SH2D1B: variants seen among roughly 807,000 people sequenced by gnomAD.
SH2D1B encodes SH2 domain containing 1B.
SH2D1B carries 11 observed loss-of-function variants against 16.3 expected under a neutral mutation model. The ratio of observed to expected loss-of-function variants is 0.67; its 90% CI spans 0.42 to 1.11. SH2D1B has a LOEUF of 1.11. Among genes scored for constraint, SH2D1B ranks in the 50% most tolerant of loss-of-function variants. The pLI, the probability that SH2D1B is intolerant of heterozygous loss-of-function variation, is 0.00. For synonymous variants in SH2D1B, 55 were observed against 56.1 expected (o/e 0.98, Z 0.09); for missense variants, 123 against 153.1 (o/e 0.80, Z 1.04).
intron 1 of SH2D1B, among the ~76,000 whole-genome samples, chr1:162,409,107 TA>T (rs67639233): frequency 0.84 from 118,547 of 141,490 alleles, 49,686 homozygotes; most frequent in Middle Eastern, 0.9. Context: ...AGACCCTGTC[TA>T]AAAAAAAAAA....
At chr1:162,406,702 A>T (rs1648661096) in intron 1 of SH2D1B, among the ~76,000 whole-genome samples, 1 of 152,236 alleles carries the variant, frequency 6.6e-6, no homozygotes, top group African/African-American at 2.4e-5. Flanking sequence ...AAAGTCTCAG[A>T]ATCTGAGACT....
intron 2 of SH2D1B, among the ~76,000 whole-genome samples, chr1:162,401,108 C>G (rs1425114943): frequency 6.6e-6 from 1 of 152,204 alleles, no homozygotes; most frequent in Non-Finnish European, 1.5e-5. Context: ...ATTAGAGGTA[C>G]AGGCTGACAT....
chr1:162,398,800 G>T, intron 3 of SH2D1B, 123 bp downstream of exon 3: 2 of 1,206,602 alleles, frequency 1.7e-6, no homozygotes, highest in Non-Finnish European at 2.3e-6. Context: ...GCTCTTAGTA[G>T]GATGAAGCTT....
At chr1:162,399,975 A>G (rs1474942739) in intron 2 of SH2D1B, among the ~76,000 whole-genome samples, 2 of 152,228 alleles carry the variant, frequency 1.3e-5, no homozygotes, top group African/African-American at 4.8e-5. Flanking sequence ...GTGAACCACC[A>G]GCCTCTGATT....
At chr1:162,403,829 T>C (rs1181080835) in intron 1 of SH2D1B, among the ~76,000 whole-genome samples, 2 of 151,084 alleles carry the variant, frequency 1.3e-5, no homozygotes, top group Non-Finnish European at 2.9e-5. Context: ...CTAACTGAAA[T>C]AAGCCAGGCA....
intron 2 of SH2D1B, among the ~76,000 whole-genome samples, chr1:162,399,974 C>A (rs1055562840): frequency 6.6e-6 from 1 of 152,128 alleles, no homozygotes; most frequent in African/African-American, 2.4e-5. Context: ...GGTGAACCAC[C>A]AGCCTCTGAT....
At chr1:162,406,569 G>A (rs776607997) in intron 1 of SH2D1B, among the ~76,000 whole-genome samples, 1 of 152,150 alleles carries the variant, frequency 6.6e-6, no homozygotes, top group East Asian at 1.9e-4. Context: ...GACTGATATA[G>A]TTTGTTTTGT....
Position 162,399,106 on chromosome 1 carries a change from G to C in SH2D1B, c.199-19C>G. On this transcript the variant is annotated intron_variant, in intron 2 of 3. Coordinates refer to ENST00000367929, the MANE Select transcript of SH2D1B (RefSeq NM_053282.5). ...CTGCAGTCTGCAAAAATACAAGAAA[G>C]GAAATCACTCATTATCATGCAATTG... 1 of 1,594,032 alleles carries C rather than the reference G, an allele frequency of 6.3e-7. No homozygotes were observed. The highest frequency in any genetic ancestry group is 1.1e-5 in the South Asian group (1 of 88,492).
In SH2D1B at chr1:162,400,286, C is replaced by CTTTTTTTTTTTTTTTTTTT. The variant is rs1241054289; in HGVS notation, c.199-1218_199-1200dup. Among the ~76,000 whole-genome samples the CTTTTTTTTTTTTTTTTTTT allele has an allele frequency of 3.6e-5, 3 of 83,284 alleles. No homozygotes were observed. In the East Asian group the frequency reaches 1.2e-3, roughly 33 times the overall value. 54.6% of individuals were successfully genotyped at this position (83,284 alleles called of 152,430 possible). ...CTGTTTACCAGCTATACACCACGTA[C>CTTTTTTTTTTTTTTTTTTT]TTTTTTTTTTTTTTTTTTTTTTTGA... On this transcript the variant is annotated intron_variant, in intron 2 of 3. Transcript: ENST00000367929.
intron 2 of SH2D1B, 189 bp downstream of exon 2, chr1:162,402,550 C>A: frequency 2.0e-6 from 1 of 499,624 alleles, no homozygotes; most frequent in South Asian, 4.0e-5. Flanking sequence ...AAAAGTAGAA[C>A]CCAAGCCTAG....
At chr1:162,408,208 A>G (rs1331935031) in intron 1 of SH2D1B, among the ~76,000 whole-genome samples, 2 of 152,140 alleles carry the variant, frequency 1.3e-5, no homozygotes, top group Non-Finnish European at 2.9e-5. Flanking sequence ...ATGATAATAC[A>G]TTTTTACAAG....
chr1:162,398,788 T>G, intron 3 of SH2D1B, 135 bp downstream of exon 3: 2 of 1,045,802 alleles, frequency 1.9e-6, no homozygotes, highest in Non-Finnish European at 2.7e-6. Flanking sequence ...AAAATGGAAA[T>G]TGCTCTTAGT....
chr1:162,401,159 C>T (rs1217089536), intron 2 of SH2D1B, among the ~76,000 whole-genome samples: 3 of 152,174 alleles, frequency 2.0e-5, no homozygotes, highest in African/African-American at 7.2e-5. Flanking sequence ...GCAGTCATTT[C>T]AACAAAAGGC....
intron 3 of SH2D1B, among the ~76,000 whole-genome samples, chr1:162,398,151 C>T (rs1648425049): frequency 1.3e-5 from 2 of 152,140 alleles, no homozygotes; most frequent in South Asian, 2.1e-4. Flanking sequence ...ATTGCAGGCT[C>T]CCAGAGAACT....
intron 1 of SH2D1B, among the ~76,000 whole-genome samples, chr1:162,408,259 C>A (rs942860353): frequency 1.3e-5 from 2 of 152,108 alleles, no homozygotes; most frequent in African/African-American, 4.8e-5. Flanking sequence ...TTGACCTAAG[C>A]CTTAAGCCTG....
At chr1:162,402,919 T>A in intron 1 of SH2D1B, 117 bp from the exon 2 acceptor site, 1 of 814,340 alleles carries the variant, frequency 1.2e-6, no homozygotes, top group Non-Finnish European at 2.0e-6. Context: ...AACTCTTTTT[T>A]TTTTTCTGGG....
rs1222354978 is a variant in SH2D1B, at chr1:162,395,962, T to A, written c.*1318A>T. ...AAAAGAGGTTTTAAGCAATTTCACG[T>A]ATTTATTATAAAATGTATATAGAAG... On this transcript the variant is annotated 3_prime_UTR_variant, in exon 4 of 4. Transcript: ENST00000367929. 1.3e-5 allele frequency: 2 copies of A among 152,256 alleles called. No individual in the cohort carries two copies. Among genetic ancestry groups the A allele is most frequent in the African/African-American group, 4.8e-5 (2 of 41,474 alleles). The allele number at this position is 152,256 out of a possible 1,614,324, so 9.4% of individuals were successfully genotyped here. A position where few individuals can be genotyped will look rare whatever the true frequency, so the allele number is the denominator to read the frequency against.
intron 2 of SH2D1B, among the ~76,000 whole-genome samples, chr1:162,399,694 T>C (rs1022559797): frequency 2.6e-5 from 4 of 152,138 alleles, no homozygotes; most frequent in Non-Finnish European, 5.9e-5. Context: ...GTGTGTGTTG[T>C]TCTCCTCTGT....
At chr1:162,405,728 A>C (rs1162164803) in intron 1 of SH2D1B, among the ~76,000 whole-genome samples, 1 of 152,232 alleles carries the variant, frequency 6.6e-6, no homozygotes, top group Non-Finnish European at 1.5e-5. Context: ...AAAACATTTA[A>C]AAATCTTAGG....
Sources: allele counts gnomAD v4.1 joint callset (sites outside exome capture counted in the v4.1 genomes callset), GRCh38; gene constraint gnomAD v4.1.1; transcripts MANE v1.5; gene names NCBI Gene and HGNC (gene_info 2026-07-23, HGNC 2026-07-21).